Variants in TYW1 observed in about 807,000 individuals in gnomAD.
The protein encoded by TYW1 is S-adenosyl-L-methionine-dependent tRNA 4-demethylwyosine synthase TYW1.
TYW1 carries 46 observed loss-of-function variants against 96.2 expected under a neutral mutation model. The observed-to-expected ratio is 0.48, with a 90% CI of 0.38 to 0.61. The LOEUF is 0.61. Ranked by LOEUF, TYW1 falls within the 20% of genes least tolerant of loss-of-function variation. The pLI is 0.00. For synonymous variants in TYW1, 274 were observed against 323.0 expected, an observed-to-expected ratio of 0.85 and a Z score of 1.63; for missense variants, 684 against 909.6, an observed-to-expected ratio of 0.75 and a Z score of 3.19.
chr7:67,077,392 T>A (rs1339669340), intron 10 of TYW1, among the ~76,000 whole-genome samples: 1 of 152,224 alleles, frequency 6.6e-6, no homozygotes, highest in Non-Finnish European at 1.5e-5. Context: ...TTTCTCCACA[T>A]CCTTGTCAGC....
At chr7:67,079,798 CATTTGTTTCAGTACAT>C (rs1436682689) in intron 10 of TYW1, among the ~76,000 whole-genome samples, 8 of 152,078 alleles carry the variant, frequency 5.3e-5, no homozygotes, top group Non-Finnish European at 8.8e-5. Context: ...CTTCTATTTT[CATTTGTTTCAGTACAT>C]ATTTAAATTT....
At chr7:67,155,091 CA>C (rs1251422942) in intron 13 of TYW1, among the ~76,000 whole-genome samples, 3 of 152,184 alleles carry the variant, frequency 2.0e-5, no homozygotes, top group Admixed American at 6.5e-5. Flanking sequence ...TGAGTTTCCC[CA>C]AGATCATTAT....
intron 13 of TYW1, among the ~76,000 whole-genome samples, chr7:67,182,405 AT>A (rs1488279211): frequency 6.6e-6 from 1 of 152,128 alleles, no homozygotes; most frequent in East Asian, 1.9e-4. Context: ...CTCTAAAAAA[AT>A]TTTTAAACTT....
At position 67,239,119 on chromosome 7, in the gene TYW1, G is replaced by A. The variant is rs1045093; in HGVS notation, c.*590G>A. ...TATTACCAACCCTTCCCAGAATTGC[G>A]TTGGATCTAAAACTACTAGATCTCA... is the stretch of plus-strand genomic sequence containing the variant. On this transcript the variant is annotated 3_prime_UTR_variant, in exon 16 of 16. Transcript: ENST00000359626. 11 of 986,428 alleles carry A rather than the reference G, an allele frequency of 1.1e-5. No individual in the cohort carries two copies. The highest frequency in any genetic ancestry group is 1.0e-3 in the Middle Eastern group (2 of 1,916). The allele number at this position is 986,428 out of a possible 1,614,324, so 61.1% of individuals were successfully genotyped here.
chr7:67,219,669 C>T (rs1376533548), intron 15 of TYW1, among the ~76,000 whole-genome samples: 2 of 149,998 alleles, frequency 1.3e-5, no homozygotes, highest in Admixed American at 6.6e-5. Flanking sequence ...CATTTGTTGG[C>T]GTACCATTGT....
chr7:67,211,150 TTGTG>T (rs61112149), intron 15 of TYW1, among the ~76,000 whole-genome samples: 6,529 of 125,746 alleles, frequency 0.052, 378 homozygotes, highest in African/African-American at 0.11. Context: ...CCCATCAACA[TTGTG>T]TGTGTGTGTG....
chr7:67,140,316 T>C (rs1324129433), intron 13 of TYW1, among the ~76,000 whole-genome samples: 3 of 152,186 alleles, frequency 2.0e-5, no homozygotes, highest in African/African-American at 7.2e-5. Flanking sequence ...CAGCCTCCTA[T>C]TCTTTCCTTG....
chr7:67,126,881 G>C (rs1797928204), intron 13 of TYW1, among the ~76,000 whole-genome samples: 1 of 152,074 alleles, frequency 6.6e-6, no homozygotes, highest in Non-Finnish European at 1.5e-5. Flanking sequence ...TGATATAGTT[G>C]GATTAACATC....
chr7:67,102,750 C>G (rs1324075131), intron 12 of TYW1, among the ~76,000 whole-genome samples: 4 of 152,006 alleles, frequency 2.6e-5, no homozygotes, highest in Admixed American at 1.3e-4. Flanking sequence ...CTCCAGGGTT[C>G]AAGTGATTCT....
At chr7:67,048,203 C>T (rs1400074625) in intron 7 of TYW1, among the ~76,000 whole-genome samples, 2 of 148,388 alleles carry the variant, frequency 1.3e-5, no homozygotes, top group Admixed American at 1.4e-4. Flanking sequence ...CCCTAGGTAC[C>T]CTTTGTATAC....
chr7:67,231,247 G>A (rs764189650), intron 15 of TYW1, among the ~76,000 whole-genome samples: 3 of 151,892 alleles, frequency 2.0e-5, no homozygotes, highest in Non-Finnish European at 4.4e-5. Flanking sequence ...ATATTGCCTC[G>A]CAGACTTTCA....
chr7:67,171,073 G>A (rs534401759), intron 13 of TYW1, among the ~76,000 whole-genome samples: 1 of 152,080 alleles, frequency 6.6e-6, no homozygotes, highest in East Asian at 1.9e-4. Context: ...TCAATCTCTT[G>A]ACTTGTAGGT....
chr7:67,015,516 TA>T (rs1267958379), intron 5 of TYW1, among the ~76,000 whole-genome samples: 1 of 152,096 alleles, frequency 6.6e-6, no homozygotes, highest in Non-Finnish European at 1.5e-5. Flanking sequence ...TACCCCTGGC[TA>T]ATCTTTCAAT....
chr7:67,007,188 G>A (rs185361210), intron 3 of TYW1, among the ~76,000 whole-genome samples: 137 of 151,974 alleles, frequency 9.0e-4, no homozygotes, highest in Admixed American at 1.9e-3. Flanking sequence ...CCTCTGATTG[G>A]CCATGAGCCA....
intron 15 of TYW1, among the ~76,000 whole-genome samples, chr7:67,216,705 G>A (rs76995182): frequency 0.053 from 5,674 of 106,934 alleles, 253 homozygotes; most frequent in African/African-American, 0.07. Context: ...GCTAACATGG[G>A]CATTTGGGGC....
rs1328398309 is a variant in TYW1, at chr7:67,058,015, AG to A, written c.1155+2129del. 2.6e-5 allele frequency among the ~76,000 whole-genome samples: 4 copies of A among 152,160 alleles called. No individual in the cohort carries two copies. The East Asian group carries it at 7.8e-4, about 29-fold the overall frequency. On this transcript the variant is annotated intron_variant, in intron 9 of 15. Coordinates refer to ENST00000359626, the MANE Select transcript of TYW1 (RefSeq NM_018264.4). ...CTAGAAGCTTCGTCGGCTCACTGCA[AG>A]CTCTGCCTCCCGGGTTCACGCCATT...
In TYW1 at chr7:67,195,230, C is replaced by A; in HGVS notation, c.1870C>A (p.His624Asn). The A allele has an allele frequency of 6.2e-7, 1 of 1,613,700 alleles. No individual in the cohort carries two copies. The highest frequency in any genetic ancestry group is 8.5e-7 in the Non-Finnish European group (1 of 1,179,976). ...TCTTACCATGGCCCACGTGCCCTGG[C>A]ATGAGGAAGTGGTACAGTTTGTCCA... ...SSLTMAHVPW[H>N]EEVVQFVHEL... The change falls in exon 15 of 16, where the codon CAT (histidine) becomes AAT (asparagine). Residue 624 changes from histidine (H) to asparagine (N), a missense_variant. Transcript: ENST00000359626.
At chr7:67,081,745 A>G (rs2711921) in intron 10 of TYW1, among the ~76,000 whole-genome samples, 28 of 130,760 alleles carry the variant, frequency 2.1e-4, no homozygotes, top group Admixed American at 4.8e-4. Context: ...TCTTTTTCTC[A>G]TCTTCTCCTC....
At chr7:67,093,544 G>A (rs949147359) in intron 11 of TYW1, among the ~76,000 whole-genome samples, 15 of 152,206 alleles carry the variant, frequency 9.9e-5, no homozygotes, top group Middle Eastern at 3.4e-3. Flanking sequence ...CTCATGGTGC[G>A]GATTATAGTT....
Sources: allele counts gnomAD v4.1 joint callset (sites outside exome capture counted in the v4.1 genomes callset), GRCh38; gene constraint gnomAD v4.1.1; transcripts MANE v1.5; gene names NCBI Gene and HGNC (gene_info 2026-07-23, HGNC 2026-07-21).